SAXO1: variants seen among roughly 807,000 people sequenced by gnomAD.
SAXO1 encodes 4930500O09Rik.
SAXO1 carries 21 observed loss-of-function variants against 17.5 expected under a neutral mutation model. The observed-to-expected ratio is 1.20, with a 90% CI of 0.85 to 1.72. The LOEUF (loss-of-function observed/expected upper bound fraction) is 1.72. Among genes scored for constraint, SAXO1 ranks in the 40% most tolerant of loss-of-function variants. SAXO1 has a pLI of 0.00. For missense variants in SAXO1, 843 were observed against 596.0 expected (o/e 1.41, Z -4.32); for synonymous variants, 274 against 216.5 (o/e 1.27, Z -2.33).
At chr9:19,029,303 G>A (rs1835653846) in intron 1 of SAXO1, among the ~76,000 whole-genome samples, 1 of 152,146 alleles carries the variant, frequency 6.6e-6, no homozygotes, top group Non-Finnish European at 1.5e-5. Flanking sequence ...TCCCTCCCTG[G>A]CAGCCCTGAG....
chr9:19,034,597 G>A (rs1179336645), upstream of SAXO1, among the ~76,000 whole-genome samples: 2 of 152,108 alleles, frequency 1.3e-5, no homozygotes, highest in African/African-American at 4.8e-5. Context: ...CCAGTTATAG[G>A]AAGTCAGCAA....
At chr9:18,991,961 T>C (rs963434733) in intron 1 of SAXO1, among the ~76,000 whole-genome samples, 38 of 152,170 alleles carry the variant, frequency 2.5e-4, no homozygotes, top group African/African-American at 8.9e-4. Context: ...GTTCCAGGAA[T>C]GAGCAAGTCA....
chr9:19,045,638 G>A (rs1588580934), intron 1 of SAXO1, among the ~76,000 whole-genome samples: 1 of 152,174 alleles, frequency 6.6e-6, no homozygotes, highest in East Asian at 1.9e-4. Context: ...AGAATCCTGG[G>A]AGAATCTAAC....
intron 1 of SAXO1, among the ~76,000 whole-genome samples, chr9:19,029,071 AAG>A (rs1293938491): frequency 5.9e-5 from 9 of 152,222 alleles, no homozygotes; most frequent in Admixed American, 5.9e-4. Context: ...AACTTGCTCC[AAG>A]AGAGTCACCC....
intron 1 of SAXO1, among the ~76,000 whole-genome samples, chr9:18,975,034 T>C (rs1833083567): frequency 6.6e-6 from 1 of 152,282 alleles, no homozygotes; most frequent in East Asian, 1.9e-4. Context: ...GTGTAGGGTA[T>C]GGCTAAGGGG....
At chr9:19,031,060 C>A (rs1316805234) in intron 1 of SAXO1, among the ~76,000 whole-genome samples, 2 of 152,194 alleles carry the variant, frequency 1.3e-5, no homozygotes, top group Non-Finnish European at 2.9e-5. Context: ...AGAATGAGAA[C>A]AGAGTCAGAG....
intron 3 of SAXO1, among the ~76,000 whole-genome samples, chr9:18,931,728 TTAG>T (rs1831058510): frequency 6.6e-6 from 1 of 152,200 alleles, no homozygotes; most frequent in Non-Finnish European, 1.5e-5. Flanking sequence ...CAATGGGTAT[TTAG>T]TAGTATCTTG....
intron 1 of SAXO1, among the ~76,000 whole-genome samples, chr9:18,981,324 C>G (rs1375313517): frequency 2.0e-5 from 3 of 152,308 alleles, no homozygotes; most frequent in Middle Eastern, 3.4e-3. Flanking sequence ...AATTTCAGAA[C>G]TGGTCCACAC....
chr9:18,967,701 T>C (rs1198575770), intron 1 of SAXO1, among the ~76,000 whole-genome samples: 1 of 152,150 alleles, frequency 6.6e-6, no homozygotes, highest in African/African-American at 2.4e-5. Context: ...GAGGATCCGC[T>C]GAGCAAGACC....
At chr9:19,022,672 A>G (rs1260627462) in intron 1 of SAXO1, among the ~76,000 whole-genome samples, 1 of 152,218 alleles carries the variant, frequency 6.6e-6, no homozygotes, top group Non-Finnish European at 1.5e-5. Context: ...GAGAAACTTA[A>G]CTGATTTTTT....
rs770041391 is a variant in SAXO1, at chr9:18,928,977, A to G, written c.500T>C (p.Phe167Ser). Reference sequence around the variant, plus strand: ...GTCCTGGTGTGTGGTTCTGTTATCAAACCTGACTGATGCCGGCTGGTATTT... The same window carrying G: ...GTCCTGGTGTGTGGTTCTGTTATCAGACCTGACTGATGCCGGCTGGTATTT... ...EHKYQPASVRFDNRTTHQDDY... is the reference protein window; with the variant it reads ...EHKYQPASVRSDNRTTHQDDY... Residue 167 changes from phenylalanine (F) to serine (S), a missense_variant, in exon 4 of 4, where the codon TTT becomes TCT. Physicochemically the swap from Phe to Ser is radical, Grantham distance 155. Coordinates refer to ENST00000380534, the MANE Select transcript of SAXO1 (RefSeq NM_153707.4). 6.2e-7 allele frequency: 1 copy of G among 1,614,052 alleles called. No individual in the cohort carries two copies. The highest frequency in any genetic ancestry group is 8.5e-7 in the Non-Finnish European group (1 of 1,180,036).
chr9:19,041,934 TG>T (rs1208630054), intron 1 of SAXO1, among the ~76,000 whole-genome samples: 3 of 151,960 alleles, frequency 2.0e-5, no homozygotes, highest in African/African-American at 7.3e-5. Flanking sequence ...AAAGCAAAAA[TG>T]GACACATGGG....
chr9:19,008,114 A>G (rs557992315), intron 1 of SAXO1, among the ~76,000 whole-genome samples: 2 of 152,024 alleles, frequency 1.3e-5, no homozygotes, highest in African/African-American at 4.8e-5. Context: ...AGCTGGGACT[A>G]CAGGTGCATG....
upstream of SAXO1, among the ~76,000 whole-genome samples, chr9:19,036,606 G>C (rs540626953): frequency 6.6e-6 from 1 of 152,180 alleles, no homozygotes; most frequent in Non-Finnish European, 1.5e-5. Context: ...CCAAGCCTTG[G>C]CAGCTTCCGC....
chr9:18,979,818 G>A (rs1833296944), intron 1 of SAXO1, among the ~76,000 whole-genome samples: 1 of 152,168 alleles, frequency 6.6e-6, no homozygotes. Flanking sequence ...TACAGCCTGG[G>A]CAAAAGAGAA....
intron 1 of SAXO1, among the ~76,000 whole-genome samples, chr9:19,032,070 G>A (rs768110726): frequency 2.0e-5 from 3 of 152,282 alleles, no homozygotes; most frequent in Non-Finnish European, 2.9e-5. Context: ...AGGCGACTAT[G>A]ACCTGGAGTT....
intron 1 of SAXO1, among the ~76,000 whole-genome samples, chr9:18,985,072 A>G (rs1276300408): frequency 1.3e-5 from 2 of 151,990 alleles, no homozygotes; most frequent in African/African-American, 4.8e-5. Context: ...CCTAATTTCA[A>G]ATATTTGCCC....
chr9:18,984,315 C>T (rs1833509299), intron 1 of SAXO1, among the ~76,000 whole-genome samples: 1 of 152,160 alleles, frequency 6.6e-6, no homozygotes, highest in Admixed American at 6.5e-5. Flanking sequence ...CTACATTCGC[C>T]CCTAACAAGA....
chr9:18,954,919 TA>T (rs10630997), intron 1 of SAXO1, among the ~76,000 whole-genome samples: 43 of 147,148 alleles, frequency 2.9e-4, no homozygotes, highest in South Asian at 6.4e-4. Flanking sequence ...AAAAAAAAGT[TA>T]AAAAAAAAAA....
Sources: gnomAD v4.1 joint callset for allele counts (sites outside exome capture counted in the v4.1 genomes callset) on GRCh38, gnomAD v4.1.1 for gene constraint, MANE v1.5 for transcripts, NCBI Gene and HGNC (gene_info 2026-07-23, HGNC 2026-07-21) for gene names.